Variants in MTUS2 observed in about 807,000 individuals in gnomAD.
The protein encoded by MTUS2 is microtubule-associated tumor suppressor candidate 2.
A neutral mutation model predicts 114.1 loss-of-function variants in MTUS2; 40 were observed. That is an observed-to-expected ratio of 0.35 (90% CI 0.27 to 0.46). MTUS2 has a LOEUF of 0.46. MTUS2 is among the 20% of genes least tolerant of loss of function. The probability of loss-of-function intolerance (pLI) is 1.00; values close to 1 mark genes in which losing one functional copy is unlikely to be tolerated. For missense variants in MTUS2, 1,679 were observed against 1,705.4 expected (o/e 0.98, Z 0.27); for synonymous variants, 688 against 672.0 (o/e 1.02, Z -0.37).
At chr13:29,024,039 C>T (rs1886402295) in intron 2 of MTUS2, among the ~76,000 whole-genome samples, 1 of 152,186 alleles carries the variant, frequency 6.6e-6, no homozygotes, top group African/African-American at 2.4e-5. Context: ...CAATCTTTTA[C>T]CCAATGTTTG....
At chr13:28,920,352 G>A (rs746517086) in intron 2 of MTUS2, among the ~76,000 whole-genome samples, 19 of 152,150 alleles carry the variant, frequency 1.2e-4, no homozygotes, top group Non-Finnish European at 2.1e-4. Context: ...TGATAAAATC[G>A]GAAGAATTCT....
In MTUS2 at chr13:29,396,924, C is replaced by A. The variant is rs146778399; in HGVS notation, c.3117+37451C>A. Among the ~76,000 whole-genome samples, 20 of 152,328 alleles carry A rather than the reference C, an allele frequency of 1.3e-4. No homozygotes were observed. In the East Asian group the frequency reaches 3.3e-3, roughly 25 times the overall value. ...GGCCATCAAATAAAAGACAGTCTTT[C>A]TCTTTGCCTGTGGGTACCTCATCCC... is the stretch of plus-strand genomic sequence containing the variant. On this transcript the variant is annotated intron_variant, in intron 8 of 15. Coordinates refer to ENST00000612955, the MANE Select transcript of MTUS2 (RefSeq NM_001033602.4).
intron 2 of MTUS2, among the ~76,000 whole-genome samples, chr13:28,906,519 A>G (rs1212074545): frequency 2.0e-5 from 3 of 151,508 alleles, no homozygotes; most frequent in African/African-American, 7.3e-5. Flanking sequence ...TGTACCCAGT[A>G]GTCATTCAGG....
chr13:28,911,619 C>A lies in MTUS2; in HGVS notation c.-243+71769C>A, dbSNP rs1032162089. Among the ~76,000 whole-genome samples, 3 of 152,308 alleles carry A rather than the reference C, an allele frequency of 2.0e-5. No individual in the cohort carries two copies. The Middle Eastern group carries it at 0.01, about 518-fold the overall frequency. ...TGGTTGAACTAATCTACACTCCCATCTACAGAGTAAAAGCTTTCCTTTTTC... is the reference window on the plus strand; with the variant it reads ...TGGTTGAACTAATCTACACTCCCATATACAGAGTAAAAGCTTTCCTTTTTC... On this transcript the variant is annotated intron_variant, in intron 2 of 15. Transcript: ENST00000612955.
chr13:28,894,446 C>G (rs927908530), intron 2 of MTUS2, among the ~76,000 whole-genome samples: 1 of 151,636 alleles, frequency 6.6e-6, no homozygotes, highest in Admixed American at 6.6e-5. Context: ...AAGGGGGTAC[C>G]CTCACCACAA....
At chr13:28,820,930 C>A (rs1873854503) in intron 1 of MTUS2, among the ~76,000 whole-genome samples, 1 of 152,102 alleles carries the variant, frequency 6.6e-6, no homozygotes, top group African/African-American at 2.4e-5. Flanking sequence ...TCTGAGTCTT[C>A]GTCTTAATTT....
intron 5 of MTUS2, among the ~76,000 whole-genome samples, chr13:29,168,930 A>T (rs1347954904): frequency 1.8e-4 from 5 of 27,674 alleles, no homozygotes; most frequent in Non-Finnish European, 3.5e-4. Context: ...AGAATATGTT[A>T]TAATGCCAGT....
chr13:29,198,784 T>A (rs1440524676), intron 5 of MTUS2, among the ~76,000 whole-genome samples: 2 of 152,226 alleles, frequency 1.3e-5, no homozygotes. Context: ...GTTCTTCACA[T>A]CCCTTGTAAG....
intron 5 of MTUS2, among the ~76,000 whole-genome samples, chr13:29,263,748 A>G (rs1897563221): frequency 6.6e-6 from 1 of 152,094 alleles, no homozygotes; most frequent in African/African-American, 2.4e-5. Context: ...CTCATCACCA[A>G]GGGGGTGGCC....
intron 5 of MTUS2, among the ~76,000 whole-genome samples, chr13:29,155,888 C>G (rs965253474): frequency 6.6e-6 from 1 of 151,864 alleles, no homozygotes; most frequent in East Asian, 1.9e-4. Flanking sequence ...TCTATCATTA[C>G]GAGGATAATC....
chr13:28,950,299 TTTTG>T (rs1412735797), intron 2 of MTUS2, among the ~76,000 whole-genome samples: 3 of 152,330 alleles, frequency 2.0e-5, no homozygotes, highest in South Asian at 4.1e-4. Context: ...GGTTATTTGT[TTTTG>T]TTTGTTGTTG....
intron 2 of MTUS2, among the ~76,000 whole-genome samples, chr13:28,898,569 T>C (rs1393302733): frequency 6.6e-6 from 1 of 152,196 alleles, no homozygotes; most frequent in Non-Finnish European, 1.5e-5. Flanking sequence ...ACATTATCTC[T>C]TCAAATAAAA....
intron 4 of MTUS2, among the ~76,000 whole-genome samples, chr13:29,074,389 G>A (rs1435162718): frequency 2.0e-5 from 3 of 152,246 alleles, no homozygotes; most frequent in South Asian, 2.1e-4. Flanking sequence ...CCATGCCTCC[G>A]TCATGCCACT....
At chr13:28,875,160 C>G (rs941981919) in intron 2 of MTUS2, among the ~76,000 whole-genome samples, 2 of 150,844 alleles carry the variant, frequency 1.3e-5, no homozygotes, top group Non-Finnish European at 2.9e-5. Context: ...TAGAGAACCT[C>G]CAAACTTAGA....
intron 5 of MTUS2, among the ~76,000 whole-genome samples, chr13:29,112,306 G>T (rs1890912928): frequency 6.6e-6 from 1 of 152,150 alleles, no homozygotes; most frequent in Non-Finnish European, 1.5e-5. Flanking sequence ...AGGAGTGTCA[G>T]ACACGACCAG....
At chr13:29,121,085 C>G (rs1369753520) in intron 5 of MTUS2, among the ~76,000 whole-genome samples, 1 of 152,094 alleles carries the variant, frequency 6.6e-6, no homozygotes, top group Admixed American at 6.6e-5. Flanking sequence ...ATAAAATTCC[C>G]CGTAAGTCCT....
chr13:29,503,152 C>T lies in MTUS2; in HGVS notation c.4056C>T (p.Arg1352=), dbSNP rs367817315. 4 of 1,614,118 alleles carry T rather than the reference C, an allele frequency of 2.5e-6. No homozygotes were observed. In the African/African-American group the frequency reaches 4.0e-5, roughly 16 times the overall value. The change falls in exon 16 of 16, where the codon CGC becomes CGT. Residue 1352 remains arginine (R), a synonymous_variant. Transcript: ENST00000612955. ...IKLSPTSPVY[R]GSSSGPSSPA... Reference sequence around the variant, plus strand: ...TCTCGCCCACATCTCCCGTTTACCGCGGCTCCTCCTCGGGGCCCTCCTCTC... The same window carrying T: ...TCTCGCCCACATCTCCCGTTTACCGTGGCTCCTCCTCGGGGCCCTCCTCTC...
intron 5 of MTUS2, among the ~76,000 whole-genome samples, chr13:29,113,087 C>G (rs1434417001): frequency 6.6e-6 from 1 of 152,126 alleles, no homozygotes; most frequent in Non-Finnish European, 1.5e-5. Context: ...GGTGGTAGAT[C>G]CCACGTCTCT....
chr13:28,822,492 C>T (rs957190308), intron 1 of MTUS2, among the ~76,000 whole-genome samples: 1 of 152,154 alleles, frequency 6.6e-6, no homozygotes, highest in Non-Finnish European at 1.5e-5. Flanking sequence ...GACTGTTATG[C>T]TTAGCGATTT....
Sources: gnomAD v4.1 joint callset for allele counts (sites outside exome capture counted in the v4.1 genomes callset) on GRCh38, gnomAD v4.1.1 for gene constraint, MANE v1.5 for transcripts, NCBI Gene and HGNC (gene_info 2026-07-23, HGNC 2026-07-21) for gene names.